The following IL1RAPL2 variants were observed in gnomAD, a reference collection of about 807,000 sequenced individuals.
The protein encoded by IL1RAPL2 is interleukin 1 receptor accessory protein like 2.
IL1RAPL2 carries 3 observed loss-of-function variants against 44.1 expected under a neutral mutation model. That is an observed-to-expected ratio of 0.07 (90% confidence interval 0.03 to 0.18). The LOEUF is 0.18. IL1RAPL2 is among the 10% of genes least tolerant of loss of function. IL1RAPL2 has a pLI of 1.00. For missense variants in IL1RAPL2, 391 were observed against 496.4 expected (o/e 0.79, Z 2.02); for synonymous variants, 181 against 178.8 (o/e 1.01, Z -0.10).
intron 5 of IL1RAPL2, among the ~76,000 whole-genome samples, chrX:105,465,496 A>G (rs1027925096): frequency 1.5e-4 from 17 of 111,897 alleles, no homozygotes; most frequent in African/African-American, 5.2e-4. Flanking sequence ...TTCCTCTGTT[A>G]TTATTTAAAG....
At chrX:105,030,206 T>G (rs2031461850) in intron 2 of IL1RAPL2, among the ~76,000 whole-genome samples, 1 of 111,779 alleles carries the variant, frequency 8.9e-6, no homozygotes, top group African/African-American at 3.3e-5. Flanking sequence ...GCCTGTTCAC[T>G]CTGATGGTAG....
intron 6 of IL1RAPL2, among the ~76,000 whole-genome samples, chrX:105,534,680 A>G (rs2147794610): frequency 8.9e-6 from 1 of 112,428 alleles, no homozygotes; most frequent in Non-Finnish European, 1.9e-5. Flanking sequence ...CGGAGTCAAA[A>G]GTCTGGAAAT....
chrX:104,804,430 CCTT>C (rs1932906715), intron 2 of IL1RAPL2: 1 of 112,427 alleles, frequency 8.9e-6, no homozygotes. Flanking sequence ...CAGCCCAACA[CCTT>C]CTTTTAGGTG....
At chrX:104,696,027 C>T (rs954332667) in intron 2 of IL1RAPL2, among the ~76,000 whole-genome samples, 5 of 111,235 alleles carry the variant, frequency 4.5e-5, no homozygotes, top group African/African-American at 9.8e-5. Context: ...AGCATGGTCT[C>T]GAACTCCTGA....
rs138210764 is a variant in IL1RAPL2 at position 104,864,247 on chromosome X, A to G, written c.82+205252A>G. On this transcript the variant is annotated intron_variant, in intron 2 of 10. Transcript: ENST00000372582. Reference sequence around the variant, plus strand: ...GATTGATCAACAAACTTCAGAGGCCAAGCAAAAAGTAAAAGAGCCCCTCAG... The same window carrying G: ...GATTGATCAACAAACTTCAGAGGCCGAGCAAAAAGTAAAAGAGCCCCTCAG... Among the ~76,000 whole-genome samples, 700 of 112,288 alleles carry G rather than the reference A, an allele frequency of 6.2e-3. 3 individuals carry two copies. The highest frequency in any genetic ancestry group is 0.022 in the African/African-American group (666 of 30,903).
chrX:104,952,523 T>C (rs1044968281), intron 2 of IL1RAPL2, among the ~76,000 whole-genome samples: 2 of 112,189 alleles, frequency 1.8e-5, no homozygotes, highest in East Asian at 5.6e-4. Flanking sequence ...AAAAGAAACA[T>C]TAACACACAA....
At position 105,767,633 on chromosome X, in the gene IL1RAPL2, A is replaced by C; in HGVS notation, c.2033A>C (p.Glu678Ala). The C allele has an allele frequency of 8.3e-7, 1 of 1,206,797 alleles. No homozygotes were observed. The highest frequency in any genetic ancestry group is 1.1e-6 in the Non-Finnish European group (1 of 891,341). ...TCTTTGCTGCCTTTATCCTCCAAAG[A>C]GCTTAGCTTTACCAGTGATATTTGG... ...NSSLLPLSSK[E>A]LSFTSDIW Residue 678 changes from glutamate (E) to alanine (A), a missense_variant, in exon 11 of 11, where the codon GAG becomes GCG. Coordinates refer to ENST00000372582, the MANE Select transcript of IL1RAPL2 (RefSeq NM_017416.2).
intron 2 of IL1RAPL2, among the ~76,000 whole-genome samples, chrX:104,859,243 G>T (rs1291446387): frequency 1.8e-5 from 2 of 111,291 alleles, no homozygotes; most frequent in Non-Finnish European, 3.8e-5. Flanking sequence ...AATTTTCTGG[G>T]TACAGGAAGA....
intron 6 of IL1RAPL2, among the ~76,000 whole-genome samples, chrX:105,562,518 C>CAG (rs1391806868): frequency 1.1e-4 from 11 of 103,222 alleles, no homozygotes; most frequent in African/African-American, 4.0e-4. Context: ...AATAAACACA[C>CAG]ACACACACAC....
intron 5 of IL1RAPL2, among the ~76,000 whole-genome samples, chrX:105,339,681 G>A (rs1271558762): frequency 2.7e-5 from 3 of 111,745 alleles, no homozygotes; most frequent in South Asian, 3.7e-4. Context: ...GCTCAAAAGC[G>A]TAAAGGAAAC....
chrX:105,621,911 G>A (rs887815089), intron 6 of IL1RAPL2, among the ~76,000 whole-genome samples: 6 of 110,652 alleles, frequency 5.4e-5, no homozygotes, highest in African/African-American at 1.6e-4. Flanking sequence ...CATTCCCTCA[G>A]GGTAATGCTA....
intron 2 of IL1RAPL2, among the ~76,000 whole-genome samples, chrX:104,976,227 G>A (rs754638520): frequency 1.0e-3 from 114 of 111,320 alleles, no homozygotes; most frequent in African/African-American, 3.7e-3. Flanking sequence ...AGACACCCTA[G>A]TGGTCAGTCC....
chrX:104,966,075 A>G (rs1386639812), intron 2 of IL1RAPL2, among the ~76,000 whole-genome samples: 1 of 111,332 alleles, frequency 9.0e-6, no homozygotes, highest in South Asian at 3.7e-4. Context: ...TGCAGGAAAA[A>G]TAAATCATCA....
At chrX:104,931,197 A>C (rs1924889691) in intron 2 of IL1RAPL2, among the ~76,000 whole-genome samples, 1 of 110,962 alleles carries the variant, frequency 9.0e-6, no homozygotes, top group South Asian at 3.9e-4. Flanking sequence ...TGGTTTACCC[A>C]AAAATGACAG....
At chrX:104,943,679 A>G (rs1265398812) in intron 2 of IL1RAPL2, among the ~76,000 whole-genome samples, 2 of 111,449 alleles carry the variant, frequency 1.8e-5, no homozygotes, top group Non-Finnish European at 3.8e-5. Flanking sequence ...AGCCACATCA[A>G]CCACACCACT....
chrX:104,867,366 A>G (rs1196211592), intron 2 of IL1RAPL2, among the ~76,000 whole-genome samples: 1 of 111,690 alleles, frequency 9.0e-6, no homozygotes, highest in East Asian at 2.8e-4. Flanking sequence ...CAAGAAATAA[A>G]GCAGAATGAG....
intron 5 of IL1RAPL2, among the ~76,000 whole-genome samples, chrX:105,364,998 T>A (rs192442149): frequency 1.7e-4 from 19 of 111,812 alleles, no homozygotes; most frequent in African/African-American, 6.2e-4. Flanking sequence ...AAGAAAAGAT[T>A]TTAACCTTTC....
chrX:105,491,260 T>C (rs2036315985), intron 6 of IL1RAPL2, among the ~76,000 whole-genome samples: 1 of 110,933 alleles, frequency 9.0e-6, no homozygotes, highest in South Asian at 3.8e-4. Context: ...ATATACACCA[T>C]GGAATACTAT....
At chrX:105,691,893 GCA>G (rs1362879578) in intron 6 of IL1RAPL2, among the ~76,000 whole-genome samples, 2 of 111,111 alleles carry the variant, frequency 1.8e-5, no homozygotes, top group Non-Finnish European at 3.8e-5. Flanking sequence ...CCACCCAGTA[GCA>G]CAGACTTTAA....
Sources: gnomAD v4.1 joint callset for allele counts (sites outside exome capture counted in the v4.1 genomes callset) on GRCh38, gnomAD v4.1.1 for gene constraint, MANE v1.5 for transcripts, NCBI Gene and HGNC (gene_info 2026-07-23, HGNC 2026-07-21) for gene names.